Variants in P3H2 observed in about 807,000 individuals in gnomAD.
P3H2 encodes the protein leprecan-like 1.
In P3H2, 80 loss-of-function variants were observed where a neutral mutation model predicts 87.0. The observed-to-expected ratio is 0.92, with a 90% CI of 0.77 to 1.11. The LOEUF (loss-of-function observed/expected upper bound fraction) is 1.11, where lower values mean the gene tolerates loss of function less well. Ranked by LOEUF, P3H2 falls within the 50% of genes least tolerant of loss-of-function variation. The pLI, the probability that P3H2 is intolerant of heterozygous loss-of-function variation, is 0.00. For synonymous variants in P3H2, 367 were observed against 359.3 expected (o/e 1.02, Z -0.24); for missense variants, 1,001 against 923.9 (o/e 1.08, Z -1.08).
At chr3:190,086,238 C>T (rs574000241) in intron 1 of P3H2, among the ~76,000 whole-genome samples, 1 of 152,258 alleles carries the variant, frequency 6.6e-6, no homozygotes, top group Non-Finnish European at 1.5e-5. Flanking sequence ...ATTTTAGAAC[C>T]TCACTGTCTC....
At chr3:190,067,443 C>G (rs1328659141) in intron 1 of P3H2, among the ~76,000 whole-genome samples, 6 of 152,072 alleles carry the variant, frequency 3.9e-5, no homozygotes, top group African/African-American at 1.4e-4. Context: ...CCCTCATACA[C>G]CCCAAACAAA....
intron 1 of P3H2, among the ~76,000 whole-genome samples, chr3:190,048,413 C>T (rs1253317326): frequency 6.6e-5 from 10 of 152,098 alleles, no homozygotes; most frequent in Admixed American, 4.6e-4. Context: ...ATGAGAATCG[C>T]TTGAACCCGG....
intron 1 of P3H2, among the ~76,000 whole-genome samples, chr3:190,092,679 C>T (rs558229984): frequency 6.6e-6 from 1 of 152,228 alleles, no homozygotes; most frequent in East Asian, 1.9e-4. Flanking sequence ...CTGGTATGTG[C>T]CCTTTTATTT....
chr3:189,969,438 C>T (rs1723104018), intron 13 of P3H2: 2 of 838,150 alleles, frequency 2.4e-6, no homozygotes, highest in South Asian at 2.8e-5. Flanking sequence ...GGGGGCTTGG[C>T]CCCCATTGGA....
At chr3:190,011,962 AT>A (rs1485567854) in intron 1 of P3H2, among the ~76,000 whole-genome samples, 1 of 152,112 alleles carries the variant, frequency 6.6e-6, no homozygotes, top group East Asian at 1.9e-4. Context: ...ACTACTTCTA[AT>A]TTTTTTCTTG....
intron 1 of P3H2, among the ~76,000 whole-genome samples, chr3:190,109,676 TG>T (rs1244012140): frequency 1.3e-5 from 2 of 152,150 alleles, no homozygotes; most frequent in East Asian, 3.9e-4. Context: ...CCAAGTGCTT[TG>T]CATCTTGAAG....
intron 1 of P3H2, among the ~76,000 whole-genome samples, chr3:190,051,606 A>G (rs767935444): frequency 1.1e-4 from 17 of 152,112 alleles, no homozygotes; most frequent in Non-Finnish European, 2.2e-4. Flanking sequence ...AAGGTCTTGT[A>G]ACTGATCTTC....
chr3:190,008,233 T>G (rs1297261017), intron 1 of P3H2, among the ~76,000 whole-genome samples: 15 of 152,080 alleles, frequency 9.9e-5, no homozygotes, highest in Non-Finnish European at 2.9e-5. Context: ...TATAGTTCGC[T>G]GTGCCTGAGA....
At chr3:190,019,796 A>ATATG (rs1182225785) in intron 1 of P3H2, among the ~76,000 whole-genome samples, 757 of 53,164 alleles carry the variant, frequency 0.014, 80 homozygotes, top group African/African-American at 0.03. Flanking sequence ...ATATATATAT[A>ATATG]TATATATATA....
chr3:190,120,747 G>A lies in P3H2; in HGVS notation c.-16C>T. The A allele has an allele frequency of 1.3e-6, 2 of 1,517,206 alleles. No individual in the cohort carries two copies. The highest frequency in any genetic ancestry group is 1.8e-6 in the Non-Finnish European group (2 of 1,139,876). 94.0% of individuals were successfully genotyped at this position (1,517,206 alleles called of 1,614,324 possible). The stretch of plus-strand genomic sequence containing the variant: ...GCTCCCGCATCCTCCGCCTCAGAGA[G>A]GCGCGGGACGGTTACGCTCGAGAGG... On this transcript the variant is annotated 5_prime_UTR_variant, in exon 1 of 15. Coordinates refer to ENST00000319332, the MANE Select transcript of P3H2 (RefSeq NM_018192.4).
intron 1 of P3H2, among the ~76,000 whole-genome samples, chr3:190,102,611 A>C (rs1055079456): frequency 6.6e-6 from 1 of 152,256 alleles, no homozygotes; most frequent in Non-Finnish European, 1.5e-5. Flanking sequence ...GAGCAAAAAA[A>C]GTGGTTTCTT....
At chr3:190,033,882 T>C (rs188637671) in intron 1 of P3H2, among the ~76,000 whole-genome samples, 370 of 152,308 alleles carry the variant, frequency 2.4e-3, no homozygotes, top group African/African-American at 8.6e-3. Flanking sequence ...GACAATCTCC[T>C]CTTTTCAACA....
chr3:190,099,186 G>T (rs951170490), intron 1 of P3H2, among the ~76,000 whole-genome samples: 1 of 151,890 alleles, frequency 6.6e-6, no homozygotes, highest in Non-Finnish European at 1.5e-5. Context: ...AAATATTATT[G>T]CCAAGAAGCT....
chr3:190,020,186 G>C (rs1724893056), intron 1 of P3H2, among the ~76,000 whole-genome samples: 1 of 133,448 alleles, frequency 7.5e-6, no homozygotes, highest in Admixed American at 7.7e-5. Context: ...CCAGGTTTCT[G>C]GCAAAACAGA....
intron 1 of P3H2, among the ~76,000 whole-genome samples, chr3:190,081,796 T>C (rs1246507078): frequency 2.0e-5 from 3 of 152,220 alleles, no homozygotes; most frequent in Admixed American, 1.3e-4. Context: ...TGCAGACAAG[T>C]TGAAGAGTCA....
At chr3:190,089,386 A>G (rs1727338599) in intron 1 of P3H2, among the ~76,000 whole-genome samples, 1 of 152,208 alleles carries the variant, frequency 6.6e-6, no homozygotes. Context: ...GAGAAAGAAA[A>G]TTCATTGTTA....
At chr3:189,979,152 G>A (rs1178293866) in intron 8 of P3H2, among the ~76,000 whole-genome samples, 1 of 152,088 alleles carries the variant, frequency 6.6e-6, no homozygotes, top group African/African-American at 2.4e-5. Flanking sequence ...GGCAAGGCAC[G>A]GTGGCTCACA....
intron 14 of P3H2, among the ~76,000 whole-genome samples, chr3:189,960,731 G>A (rs926509156): frequency 5.3e-5 from 8 of 152,074 alleles, no homozygotes; most frequent in Non-Finnish European, 7.4e-5. Context: ...CCCCATAGGC[G>A]GTCTTTAACA....
chr3:189,984,937 A>C (rs1577254579), intron 6 of P3H2, among the ~76,000 whole-genome samples: 1 of 152,258 alleles, frequency 6.6e-6, no homozygotes, highest in East Asian at 1.9e-4. Context: ...TTTGCTGAAT[A>C]AAACAAGCAA....
Sources: allele counts gnomAD v4.1 joint callset (sites outside exome capture counted in the v4.1 genomes callset), GRCh38; gene constraint gnomAD v4.1.1; transcripts MANE v1.5; gene names NCBI Gene and HGNC (gene_info 2026-07-23, HGNC 2026-07-21).